Variants in FANCM observed in about 807,000 individuals in gnomAD.
FANCM encodes Fanconi anemia group M protein.
Under a neutral mutation model 199.5 loss-of-function variants are expected in FANCM, and 140 were observed. The ratio of observed to expected loss-of-function variants is 0.70; its 90% CI spans 0.61 to 0.81. The LOEUF (loss-of-function observed/expected upper bound fraction) is 0.81. FANCM is among the 30% of genes least tolerant of loss of function. The pLI, the probability that FANCM is intolerant of heterozygous loss-of-function variation, is 0.00. For synonymous variants in FANCM, 840 were observed against 836.8 expected (o/e 1.00, Z -0.07); for missense variants, 2,410 against 2,421.4 (o/e 1.00, Z 0.10).
intron 20 of FANCM, among the ~76,000 whole-genome samples, chr14:45,193,695 C>T (rs924415875): frequency 2.6e-5 from 4 of 151,864 alleles, no homozygotes; most frequent in African/African-American, 4.8e-5. Flanking sequence ...ATGCCAGTAC[C>T]ACACTGTCTT....
intron 6 of FANCM, among the ~76,000 whole-genome samples, chr14:45,154,406 A>G (rs1179831216): frequency 1.3e-5 from 2 of 151,996 alleles, no homozygotes; most frequent in Non-Finnish European, 2.9e-5. Flanking sequence ...CTTAAAAAAA[A>G]AAAAAAAAAA....
intron 20 of FANCM, among the ~76,000 whole-genome samples, chr14:45,194,104 C>T (rs1200250541): frequency 6.6e-6 from 1 of 152,022 alleles, no homozygotes; most frequent in Non-Finnish European, 1.5e-5. Context: ...GAGCTCAAGA[C>T]CAGCCTGGCC....
Position 45,173,167 on chromosome 14 carries a change from TTA to T in FANCM, c.2276_2277del (p.Ile759ArgfsTer19). On this transcript the variant is annotated frameshift_variant, in exon 13 of 23. Transcript: ENST00000267430. LOFTEE classifies it high-confidence loss of function. ...GATCACTCAGATCGATGCCGCCATTTTATAGGCCTTATGCAAATGATAGAGGG... is the reference window on the plus strand; with the variant it reads ...GATCACTCAGATCGATGCCGCCATTTTAGGCCTTATGCAAATGATAGAGGG... 2 of 1,613,906 alleles carry T rather than the reference TTA, an allele frequency of 1.2e-6. No homozygotes were observed. The highest frequency in any genetic ancestry group is 1.7e-6 in the Non-Finnish European group (2 of 1,179,832).
intron 11 of FANCM, among the ~76,000 whole-genome samples, chr14:45,167,667 A>G (rs773394130): frequency 3.9e-5 from 6 of 152,138 alleles, no homozygotes; most frequent in Non-Finnish European, 7.4e-5. Flanking sequence ...TGAGGTAGCC[A>G]TTTGTGTTAG....
Position 45,183,876 on chromosome 14 carries a change from G to A in FANCM, c.4489G>A (p.Val1497Ile), listed in dbSNP as rs369576101. ...CGGGAATGCCAGAAGAGGCATCAAA[G>A]TCCCAAAGAGACAGAGTCACTTAAA... Reference protein sequence around the residue: ...CNGNARRGIKVPKRQSHLKHV... With the variant: ...CNGNARRGIKIPKRQSHLKHV... The change falls in exon 17 of 23, where the codon GTC becomes ATC. Residue 1497 changes from valine to isoleucine, a missense_variant. Coordinates refer to ENST00000267430, the MANE Select transcript of FANCM (RefSeq NM_020937.4). 14 of 1,611,202 alleles carry A rather than the reference G, an allele frequency of 8.7e-6. No homozygotes were observed. Among genetic ancestry groups the A allele is most frequent in the Non-Finnish European group, 1.0e-5 (12 of 1,177,834 alleles).
chr14:45,156,602 G>A (rs1232024639), intron 8 of FANCM, among the ~76,000 whole-genome samples: 2 of 152,058 alleles, frequency 1.3e-5, no homozygotes, highest in African/African-American at 2.4e-5. Context: ...TGTATTTGTT[G>A]ATGGATTAGA....
chr14:45,168,587 T>C (rs909404376), intron 11 of FANCM, among the ~76,000 whole-genome samples: 1 of 150,794 alleles, frequency 6.6e-6, no homozygotes, highest in Non-Finnish European at 1.5e-5. Context: ...TTTCTTCCCC[T>C]TTTCTCTGAT....
At position 45,183,885 on chromosome 14, in the gene FANCM, A is replaced by C. The variant is rs890874156; in HGVS notation, c.4498A>C (p.Arg1500=). ...CAGAAGAGGCATCAAAGTCCCAAAG[A>C]GACAGAGTCACTTAAAGGTAATCTT... ...NARRGIKVPK[R]QSHLKHVARK... The change falls in exon 17 of 23, where the codon AGA becomes CGA. Residue 1500 remains arginine (R), a synonymous_variant. Transcript: ENST00000267430. The C allele has an allele frequency of 6.2e-7, 1 of 1,610,712 alleles. No homozygotes were observed. The highest frequency in any genetic ancestry group is 1.7e-5 in the Admixed American group (1 of 59,950).
At chr14:45,143,958 C>T (rs578099104) in intron 3 of FANCM, among the ~76,000 whole-genome samples, 1 of 152,182 alleles carries the variant, frequency 6.6e-6, no homozygotes, top group East Asian at 1.9e-4. Context: ...TCCCAAAGTG[C>T]TGGGATTACA....
At position 45,198,671 on chromosome 14, in the gene FANCM, C is replaced by A. The variant is rs2139328014; in HGVS notation, c.5744C>A (p.Thr1915Lys). The stretch of plus-strand genomic sequence containing the variant: ...GACACATCAAGGATGTTTAGGAGAA[C>A]AAAGAGCTATGACAGCCTGCTGACT... ...TGDTSRMFRR[T>K]KSYDSLLTTL... Residue 1915 changes from threonine to lysine, a missense_variant, in exon 22 of 23, where the codon ACA (threonine) becomes AAA (lysine). Physicochemically the swap from Thr to Lys is moderately conservative, Grantham distance 78. Coordinates refer to ENST00000267430, the MANE Select transcript of FANCM (RefSeq NM_020937.4). 6.2e-7 allele frequency: 1 copy of A among 1,612,508 alleles called. No homozygotes were observed.
intron 12 of FANCM, 126 bp from the exon 13 acceptor site, chr14:45,172,929 G>T: frequency 1.5e-6 from 1 of 678,710 alleles, no homozygotes; most frequent in East Asian, 2.7e-5. Context: ...TGAGATTTTA[G>T]TTGGGAGTAT....
chr14:45,164,309 C>G, intron 9 of FANCM, 50 bp from the exon 10 acceptor site: 2 of 1,409,716 alleles, frequency 1.4e-6, no homozygotes, highest in Non-Finnish European at 2.0e-6. Context: ...CTTTGATCTA[C>G]AGTTCTCTTA....
At chr14:45,146,832 CAAAAAAAA>C (rs762253487) in intron 3 of FANCM, among the ~76,000 whole-genome samples, 2 of 42,168 alleles carry the variant, frequency 4.7e-5, no homozygotes, top group African/African-American at 1.4e-4. Context: ...GACTCTGTCT[CAAAAAAAA>C]AAAAAAAAAA....
At chr14:45,177,609 C>G (rs865926582) in intron 14 of FANCM, among the ~76,000 whole-genome samples, 30 of 152,074 alleles carry the variant, frequency 2.0e-4, no homozygotes, top group African/African-American at 7.0e-4. Flanking sequence ...ACAAGCTGGT[C>G]TTGAACTCCT....
At chr14:45,137,397 C>T (rs1440190306) in intron 2 of FANCM, 156 bp downstream of exon 2, 1 of 649,462 alleles carries the variant, frequency 1.5e-6, no homozygotes, top group Non-Finnish European at 2.7e-6. Context: ...AATATCTGTA[C>T]TTTCTGTCAT....
chr14:45,136,092 G>C lies in FANCM; in HGVS notation c.61G>C (p.Gly21Arg). Residue 21 changes from glycine (G) to arginine (R), a missense_variant, in exon 1 of 23, where the codon GGG becomes CGG. Physicochemically the swap from Gly to Arg is moderately radical, Grantham distance 125. Transcript: ENST00000267430. The part of the protein sequence containing the change: ...TWGSSISRSS[G>R]TPGCSSGTER... ...GGGCTCAAGTATCTCCCGATCATCT[G>C]GGACTCCGGGTTGCAGCTCCGGAAC... is the stretch of plus-strand genomic sequence containing the variant. 6.2e-7 allele frequency: 1 copy of C among 1,614,072 alleles called. No individual in the cohort carries two copies.
intron 3 of FANCM, among the ~76,000 whole-genome samples, chr14:45,147,718 C>T (rs542674247): frequency 5.3e-5 from 8 of 151,400 alleles, no homozygotes; most frequent in South Asian, 2.1e-4. Flanking sequence ...CATGGTGAAA[C>T]CCCATCTGTA....
At chr14:45,136,622 A>G (rs1885534008) in intron 1 of FANCM, 83 bp downstream of exon 1, 7 of 1,306,204 alleles carry the variant, frequency 5.4e-6, no homozygotes, top group Admixed American at 5.1e-5. Flanking sequence ...CAACATGTGC[A>G]TCTTACGCCC....
intron 17 of FANCM, 90 bp from the exon 18 acceptor site, chr14:45,185,127 A>G: frequency 1.1e-6 from 1 of 915,662 alleles, no homozygotes. Context: ...AAGCATTGAT[A>G]AGAAATCAGT....
Sources: gnomAD v4.1 joint callset for allele counts (sites outside exome capture counted in the v4.1 genomes callset) on GRCh38, gnomAD v4.1.1 for gene constraint, MANE v1.5 for transcripts, NCBI Gene and HGNC (gene_info 2026-07-23, HGNC 2026-07-21) for gene names.